Variants in CPNE8 observed in about 807,000 individuals in gnomAD.
CPNE8 encodes the protein copine-8.
In CPNE8, 45 loss-of-function variants were observed where a neutral mutation model predicts 81.5. The observed-to-expected ratio is 0.55, with a 90% CI of 0.44 to 0.71. CPNE8 has a LOEUF of 0.71. CPNE8 is among the 30% of genes least tolerant of loss of function. The pLI, the probability that CPNE8 is intolerant of heterozygous loss-of-function variation, is 0.00. For missense variants in CPNE8, 594 were observed against 672.1 expected, an observed-to-expected ratio of 0.88 and a Z score of 1.28; for synonymous variants, 252 against 226.3, an observed-to-expected ratio of 1.11 and a Z score of -1.02.
chr12:38,664,130 G>C (rs1283518991), intron 19 of CPNE8, among the ~76,000 whole-genome samples: 1 of 151,988 alleles, frequency 6.6e-6, no homozygotes, highest in Non-Finnish European at 1.5e-5. Flanking sequence ...ACAGAATTTT[G>C]AATGTGCCCA....
intron 13 of CPNE8, among the ~76,000 whole-genome samples, chr12:38,717,041 T>C (rs1179176077): frequency 2.0e-5 from 3 of 152,054 alleles, no homozygotes; most frequent in Non-Finnish European, 4.4e-5. Context: ...GAAAAAATGC[T>C]CAACATCACT....
chr12:38,906,779 G>T, upstream of CPNE8: 1 of 191,880 alleles, frequency 5.2e-6, no homozygotes, highest in Non-Finnish European at 9.6e-6. Flanking sequence ...GGTCCCGGGA[G>T]CTCGCCACCA....
intron 15 of CPNE8, among the ~76,000 whole-genome samples, chr12:38,693,291 CA>C (rs1258226104): frequency 6.6e-6 from 1 of 152,052 alleles, no homozygotes; most frequent in Non-Finnish European, 1.5e-5. Context: ...CCAGGTACTG[CA>C]AAGCAAAAAT....
intron 19 of CPNE8, among the ~76,000 whole-genome samples, chr12:38,663,330 T>G (rs1425320910): frequency 2.0e-5 from 3 of 151,690 alleles, no homozygotes; most frequent in Non-Finnish European, 4.4e-5. Context: ...GAATCTGATT[T>G]TAAAATGGAC....
At chr12:38,796,818 C>G (rs1282479165) in intron 6 of CPNE8, among the ~76,000 whole-genome samples, 3 of 152,110 alleles carry the variant, frequency 2.0e-5, no homozygotes, top group Non-Finnish European at 2.9e-5. Flanking sequence ...CAGGCGGCAC[C>G]TGGAAAATCG....
At chr12:38,783,109 T>C (rs1471734653) in intron 6 of CPNE8, among the ~76,000 whole-genome samples, 1 of 152,222 alleles carries the variant, frequency 6.6e-6, no homozygotes, top group African/African-American at 2.4e-5. Flanking sequence ...ATAAAACTCA[T>C]CCACATTACA....
intron 18 of CPNE8, among the ~76,000 whole-genome samples, chr12:38,675,175 C>T (rs1360936027): frequency 1.3e-5 from 2 of 152,186 alleles, no homozygotes; most frequent in Non-Finnish European, 2.9e-5. Flanking sequence ...AGCTGGTCAG[C>T]TCCATTTTCA....
At chr12:38,738,811 T>C (rs1270392762) in intron 10 of CPNE8, among the ~76,000 whole-genome samples, 4 of 144,032 alleles carry the variant, frequency 2.8e-5, no homozygotes, top group Non-Finnish European at 6.1e-5. Flanking sequence ...CTTTTCTTTT[T>C]TTTTTTTCTT....
chr12:38,693,285 G>A (rs572988760), intron 15 of CPNE8, among the ~76,000 whole-genome samples: 2 of 152,162 alleles, frequency 1.3e-5, no homozygotes, highest in East Asian at 3.9e-4. Context: ...GAGACTCCAG[G>A]TACTGCAAAG....
chr12:38,802,890 T>C (rs1272449669), intron 6 of CPNE8, among the ~76,000 whole-genome samples: 24 of 148,644 alleles, frequency 1.6e-4, no homozygotes, highest in Non-Finnish European at 2.7e-4. Context: ...TCTACGCAAA[T>C]AAACTAGAAA....
At chr12:38,810,041 G>C (rs1364134751) in intron 6 of CPNE8, among the ~76,000 whole-genome samples, 2 of 152,096 alleles carry the variant, frequency 1.3e-5, no homozygotes, top group African/African-American at 4.8e-5. Context: ...TTCCTTTTTT[G>C]TAAAAGGGTA....
At chr12:38,738,994 G>A (rs551611976) in intron 10 of CPNE8, among the ~76,000 whole-genome samples, 19 of 151,782 alleles carry the variant, frequency 1.3e-4, no homozygotes, top group East Asian at 3.9e-4. Context: ...CTGTCTTTTC[G>A]TAGAGATGGG....
At chr12:38,718,223 C>T (rs1337126322) in intron 13 of CPNE8, among the ~76,000 whole-genome samples, 3 of 152,114 alleles carry the variant, frequency 2.0e-5, no homozygotes, top group Non-Finnish European at 4.4e-5. Flanking sequence ...AGAGTCTCCC[C>T]TGAGGCATGC....
chr12:38,695,946 C>T (rs1439089698), intron 14 of CPNE8, among the ~76,000 whole-genome samples: 1 of 152,038 alleles, frequency 6.6e-6, no homozygotes, highest in Non-Finnish European at 1.5e-5. Flanking sequence ...GTCTCAAAAA[C>T]AAACACAAAC....
chr12:38,810,624 T>C (rs1220698509), intron 6 of CPNE8, among the ~76,000 whole-genome samples: 1 of 152,114 alleles, frequency 6.6e-6, no homozygotes, highest in Non-Finnish European at 1.5e-5. Context: ...GGCTATCCTA[T>C]TGCCATAACA....
At chr12:38,661,912 CATGATCTCGATAG>C (rs1444303473) in intron 19 of CPNE8, among the ~76,000 whole-genome samples, 1 of 145,632 alleles carries the variant, frequency 6.9e-6, no homozygotes, top group African/African-American at 2.5e-5. Flanking sequence ...AAAAAAAACA[CATGATCTCGATAG>C]ATGCAGAAAA....
At chr12:38,890,947 GA>G (rs906024018) in intron 1 of CPNE8, among the ~76,000 whole-genome samples, 1 of 150,706 alleles carries the variant, frequency 6.6e-6, no homozygotes, top group Non-Finnish European at 1.5e-5. Flanking sequence ...GAGAGAGAGA[GA>G]AAGAGTCTCA....
chr12:38,877,721 G>T (rs1005383356), intron 1 of CPNE8, among the ~76,000 whole-genome samples: 3 of 152,134 alleles, frequency 2.0e-5, no homozygotes, highest in Middle Eastern at 3.4e-3. Flanking sequence ...GCTTAAAGGG[G>T]GATAACTGAA....
intron 6 of CPNE8, among the ~76,000 whole-genome samples, chr12:38,790,352 A>T (rs1026369166): frequency 2.0e-5 from 3 of 151,856 alleles, no homozygotes; most frequent in African/African-American, 7.2e-5. Context: ...AAAGGCAAAC[A>T]TTGCATCTTC....
Sources: allele counts gnomAD v4.1 joint callset (sites outside exome capture counted in the v4.1 genomes callset), GRCh38; gene constraint gnomAD v4.1.1; transcripts MANE v1.5; gene names NCBI Gene and HGNC (gene_info 2026-07-23, HGNC 2026-07-21).